FAN1: variants seen among roughly 807,000 people sequenced by gnomAD.
The protein encoded by FAN1 is FANCD2 and FANCI associated nuclease 1.
A neutral mutation model predicts 104.9 loss-of-function variants in FAN1; 91 were observed. The ratio of observed to expected loss-of-function variants is 0.87; its 90% CI spans 0.73 to 1.03. The LOEUF (loss-of-function observed/expected upper bound fraction) is 1.03, where lower values mean the gene tolerates loss of function less well. FAN1 is among the 50% of genes least tolerant of loss of function. FAN1 has a pLI of 0.00. For synonymous variants in FAN1, 478 were observed against 457.6 expected (o/e 1.04, Z -0.57); for missense variants, 1,263 against 1,239.9 (o/e 1.02, Z -0.28).
rs1300111422 is a variant in FAN1, at chr15:30,905,848, C to T, written c.1185C>T (p.Leu395=). The T allele has an allele frequency of 1.2e-6, 2 of 1,613,894 alleles. No individual in the cohort carries two copies. Among genetic ancestry groups the T allele is most frequent in the Non-Finnish European group, 1.7e-6 (2 of 1,179,896 alleles). Residue 395 remains leucine, a synonymous_variant, in exon 2 of 15, where the codon CTC becomes CTT. Transcript: ENST00000362065. ...TTGAGAATGAAGATGATATGTTGCT[C>T]TTTGATGAGCAGGAGAAGGGAATTG... ...TVLENEDDML[L]FDEQEKGIVT... is the part of the protein sequence containing the mutation.
chr15:30,906,521 A>C, intron 2 of FAN1: 1 of 456,564 alleles, frequency 2.2e-6, no homozygotes, highest in Non-Finnish European at 4.4e-6. Flanking sequence ...AGTAAAAGCC[A>C]CCCTTGTGTC....
chr15:30,938,578 G>A (rs2062933907), intron 14 of FAN1, among the ~76,000 whole-genome samples: 1 of 152,184 alleles, frequency 6.6e-6, no homozygotes, highest in African/African-American at 2.4e-5. Flanking sequence ...AGGGTCTCAG[G>A]CTGGGCAAGG....
At chr15:30,927,214 AAAAC>A (rs748076978) in intron 10 of FAN1, 100 of 974,770 alleles carry the variant, frequency 1.0e-4, no homozygotes, top group South Asian at 5.2e-4. Context: ...GTCTCAAAAC[AAAAC>A]AAACAAAGGA....
At chr15:30,914,894 A>G (rs1189683127) in intron 5 of FAN1, among the ~76,000 whole-genome samples, 2 of 152,256 alleles carry the variant, frequency 1.3e-5, no homozygotes, top group African/African-American at 2.4e-5. Flanking sequence ...GGTTTGTCCA[A>G]TAAAAGTAGA....
chr15:30,922,371 CAT>C lies in FAN1; in HGVS notation c.2172+20_2172+21del. The C allele has an allele frequency of 6.3e-7, 1 of 1,584,746 alleles. No individual in the cohort carries two copies. The highest frequency in any genetic ancestry group is 8.5e-7 in the Non-Finnish European group (1 of 1,172,472). On this transcript the variant is annotated intron_variant, in intron 8 of 14. Transcript: ENST00000362065. ...CTGGAACCGGTACTCAGTAACAAAA[CAT>C]ATCTGAAACACCTTTTCATTTTAGA... is the stretch of plus-strand genomic sequence containing the variant.
intron 4 of FAN1, chr15:30,911,167 CAAAGTAT>C (rs2062093219): frequency 1.9e-6 from 2 of 1,028,034 alleles, no homozygotes; most frequent in South Asian, 9.2e-5. Flanking sequence ...GTTTACTAAA[CAAAGTAT>C]AATCAGGCAG....
intron 13 of FAN1, among the ~76,000 whole-genome samples, chr15:30,935,422 A>G (rs887628592): frequency 2.6e-5 from 4 of 152,224 alleles, no homozygotes; most frequent in African/African-American, 9.7e-5. Flanking sequence ...AGATGCAACC[A>G]TGGACTGAAA....
chr15:30,935,995 T>C (rs987864797), intron 13 of FAN1, among the ~76,000 whole-genome samples: 1 of 152,148 alleles, frequency 6.6e-6, no homozygotes, highest in Non-Finnish European at 1.5e-5. Flanking sequence ...ATTTGGAAAA[T>C]TTTTGGCCAT....
chr15:30,930,966 A>T (rs2062696181), intron 13 of FAN1, among the ~76,000 whole-genome samples: 1 of 152,246 alleles, frequency 6.6e-6, no homozygotes, highest in Non-Finnish European at 1.5e-5. Context: ...TCTCTAGTCC[A>T]GCTGACACTC....
At position 30,942,914 on chromosome 15, in the gene FAN1, G is replaced by A. The variant is rs957453518; in HGVS notation, c.*1352G>A. On this transcript the variant is annotated 3_prime_UTR_variant, in exon 15 of 15. Transcript: ENST00000362065. ...CCTTTGTCCGTTTAAAAGACTTCACGGAGCCATTCTGTATACAAGGTGTGC... is the reference window on the plus strand; with the variant it reads ...CCTTTGTCCGTTTAAAAGACTTCACAGAGCCATTCTGTATACAAGGTGTGC... The A allele has an allele frequency of 8.3e-6, 13 of 1,567,324 alleles. No individual in the cohort carries two copies. The highest frequency in any genetic ancestry group is 1.7e-4 in the Middle Eastern group (1 of 6,016).
At position 30,905,139 on chromosome 15, in the gene FAN1, T is replaced by A; in HGVS notation, c.476T>A (p.Leu159Ter). Residue 159 changes from leucine to a stop codon, truncating the protein, a stop_gained, in exon 2 of 15, where the codon TTG (leucine) becomes TAG (stop). Coordinates refer to ENST00000362065, the MANE Select transcript of FAN1 (RefSeq NM_014967.5). LOFTEE classifies it high-confidence loss of function. ...TGTTTGGGAAGCCTAGCATCTAAAT[T>A]GTCCAGAAAATACGTAAAGGCTAAA... ...VICLGSLASK[L>*]SRKYVKAKKS... 1 of 1,614,024 alleles carries A rather than the reference T, an allele frequency of 6.2e-7. No homozygotes were observed. Among genetic ancestry groups the A allele is most frequent in the South Asian group, 1.1e-5 (1 of 91,088 alleles).
Position 30,909,852 on chromosome 15 carries a change from A to G in FAN1, c.1376-762A>G, listed in dbSNP as rs199733029. Among the ~76,000 whole-genome samples, 24 of 152,288 alleles carry G rather than the reference A, an allele frequency of 1.6e-4. No individual in the cohort carries two copies. In the East Asian group the frequency reaches 4.4e-3, roughly 28 times the overall value. ...TACCTTGTCAAAGGTTTGCCTGACT[A>G]CTGTGTGAAATACAGCCAGCCTCCT... is the stretch of plus-strand genomic sequence containing the variant. On this transcript the variant is annotated intron_variant, in intron 3 of 14. Coordinates refer to ENST00000362065, the MANE Select transcript of FAN1 (RefSeq NM_014967.5).
At position 30,939,656 on chromosome 15, in the gene FAN1, T is replaced by TAAAATAA. The variant is rs34732559; in HGVS notation, c.*4-1908_*4-1902dup. ...AACAACAATAAAATACTACAAGAGTTAAAATAAACGTGAAGGAAGAAAATT... is the reference window on the plus strand; with the variant it reads ...AACAACAATAAAATACTACAAGAGTTAAAATAAAAAATAAACGTGAAGGAAGAAAATT... On this transcript the variant is annotated intron_variant, in intron 14 of 14. Transcript: ENST00000362065. The TAAAATAA allele has an allele frequency of 8.6e-5, 69 of 798,456 alleles. No individual in the cohort carries two copies. In the African/African-American group the frequency reaches 3.7e-3, roughly 43 times the overall value. 49.5% of individuals were successfully genotyped at this position (798,456 alleles called of 1,614,324 possible). A position where few individuals can be genotyped will look rare whatever the true frequency, so the allele number is the denominator to read the frequency against.
At chr15:30,938,618 C>T (rs1042112827) in intron 14 of FAN1, among the ~76,000 whole-genome samples, 7 of 152,070 alleles carry the variant, frequency 4.6e-5, no homozygotes, top group African/African-American at 1.2e-4. Context: ...TTTATCCATG[C>T]GCCAGGCCCG....
In FAN1 at chr15:30,905,710, T is replaced by C. The variant is rs750104378; in HGVS notation, c.1047T>C (p.Asn349=). 5 of 1,614,160 alleles carry C rather than the reference T, an allele frequency of 3.1e-6. No individual in the cohort carries two copies. In the South Asian group the frequency reaches 4.4e-5, roughly 14 times the overall value. ...TGCAGGATGACAGTTGCTTAAACAA[T>C]GATATCCCTCACAGCATTCCTTTGG... ...APLQDDSCLN[N]DIPHSIPLEQ... Residue 349 remains asparagine (N), a synonymous_variant, in exon 2 of 15, where the codon AAT becomes AAC. Coordinates refer to ENST00000362065, the MANE Select transcript of FAN1 (RefSeq NM_014967.5).
At chr15:30,909,962 T>C (rs546280031) in intron 3 of FAN1, among the ~76,000 whole-genome samples, 44 of 152,396 alleles carry the variant, frequency 2.9e-4, no homozygotes, top group African/African-American at 1.0e-3. Flanking sequence ...ATTTAATTGT[T>C]ACGCTGGGAG....
chr15:30,935,867 G>A (rs1223328895), intron 13 of FAN1, among the ~76,000 whole-genome samples: 1 of 151,834 alleles, frequency 6.6e-6, no homozygotes, highest in African/African-American at 2.4e-5. Flanking sequence ...TAAAAATTCT[G>A]GCTGCTTTGA....
intron 4 of FAN1, chr15:30,911,624 GTAAT>G: frequency 1.1e-6 from 1 of 936,342 alleles, no homozygotes; most frequent in South Asian, 5.0e-5. Context: ...TTACATACTT[GTAAT>G]TAATTGACTT....
At chr15:30,927,017 G>C (rs2062480070) in intron 10 of FAN1, 1 of 985,292 alleles carries the variant, frequency 1.0e-6, no homozygotes, top group Admixed American at 6.2e-5. Flanking sequence ...GACCACTTAG[G>C]AGTTAAGGAA....
Sources: gnomAD v4.1 joint callset for allele counts (sites outside exome capture counted in the v4.1 genomes callset) on GRCh38, gnomAD v4.1.1 for gene constraint, MANE v1.5 for transcripts, NCBI Gene and HGNC (gene_info 2026-07-23, HGNC 2026-07-21) for gene names.